The following WDR82 variants were observed in gnomAD, a reference collection of about 807,000 sequenced individuals.
WDR82 encodes the protein WD repeat domain 82.
A neutral mutation model predicts 36.1 loss-of-function variants in WDR82; 8 were observed. That is an observed-to-expected ratio of 0.22 (90% CI 0.13 to 0.40). The LOEUF (loss-of-function observed/expected upper bound fraction) is 0.40. Among genes scored for constraint, WDR82 ranks in the 10% least tolerant of loss-of-function variants. WDR82 has a pLI of 1.00. For missense variants in WDR82, 185 were observed against 400.5 expected (o/e 0.46, Z 4.59); for synonymous variants, 129 against 137.8 (o/e 0.94, Z 0.45).
In WDR82 at chr3:52,257,172, A is replaced by G. The variant is rs552601295; in HGVS notation, c.*318T>C. The G allele has an allele frequency of 1.0e-5, 4 of 394,798 alleles. No homozygotes were observed. The highest frequency in any genetic ancestry group is 6.1e-5 in the African/African-American group (3 of 48,868). 24.5% of individuals were successfully genotyped at this position (394,798 alleles called of 1,614,324 possible). A position where few individuals can be genotyped will look rare whatever the true frequency, so the allele number is the denominator to read the frequency against. On this transcript the variant is annotated 3_prime_UTR_variant, in exon 9 of 9. Coordinates refer to ENST00000296490, the MANE Select transcript of WDR82 (RefSeq NM_025222.4). ...CTTCACCGGCTCCTCAGCAGCATGTACATTCAAATTGAAGATGCTTGAGAG... is the reference window on the plus strand; with the variant it reads ...CTTCACCGGCTCCTCAGCAGCATGTGCATTCAAATTGAAGATGCTTGAGAG...
chr3:52,275,607 C>CG (rs1355124639), intron 1 of WDR82, among the ~76,000 whole-genome samples: 1 of 152,098 alleles, frequency 6.6e-6, no homozygotes, highest in Non-Finnish European at 1.5e-5. Context: ...CACGTTGAGC[C>CG]GGGCGCAGTG....
In WDR82 at chr3:52,260,507, A is replaced by G. The variant is rs1164728716; in HGVS notation, c.427-6T>C. ...CCCTGCAGATGCATGAGGCCCTAAG[A>G]GAAAAGAAATAAGAAATACACTAAA... On this transcript the variant is annotated splice_region_variant and splice_polypyrimidine_tract_variant and intron_variant, in intron 4 of 8. Transcript: ENST00000296490. 6.4e-7 allele frequency: 1 copy of G among 1,556,906 alleles called. No individual in the cohort carries two copies. Among genetic ancestry groups the G allele is most frequent in the Non-Finnish European group, 8.6e-7 (1 of 1,158,980 alleles).
intron 1 of WDR82, among the ~76,000 whole-genome samples, chr3:52,274,347 C>A (rs1222176251): frequency 6.6e-6 from 1 of 151,698 alleles, no homozygotes; most frequent in South Asian, 2.1e-4. Context: ...GTGAGAGGAT[C>A]GCTTGAGTTC....
At chr3:52,263,913 C>T (rs1350611876) in intron 3 of WDR82, among the ~76,000 whole-genome samples, 2 of 152,180 alleles carry the variant, frequency 1.3e-5, no homozygotes, top group Non-Finnish European at 2.9e-5. Context: ...CCTGTAATCC[C>T]AGCACTTTGG....
chr3:52,260,803 TC>T (rs1339184185), intron 4 of WDR82, among the ~76,000 whole-genome samples: 3 of 152,100 alleles, frequency 2.0e-5, no homozygotes, highest in Non-Finnish European at 2.9e-5. Context: ...TAAAAATAAA[TC>T]CCTTGAAGCT....
chr3:52,261,264 A>G, intron 4 of WDR82, 116 bp downstream of exon 4: 1 of 894,804 alleles, frequency 1.1e-6, no homozygotes, highest in Non-Finnish European at 1.7e-6. Flanking sequence ...AAAGTTTAAA[A>G]AGACCCTGTG....
intron 3 of WDR82, among the ~76,000 whole-genome samples, chr3:52,264,298 G>A (rs1022674083): frequency 6.6e-6 from 1 of 152,144 alleles, no homozygotes; most frequent in South Asian, 2.1e-4. Context: ...TAAGAAAGCG[G>A]ATAAAATATT....
chr3:52,277,718 G>T (rs1252624523), intron 1 of WDR82, among the ~76,000 whole-genome samples: 1 of 152,262 alleles, frequency 6.6e-6, no homozygotes, highest in African/African-American at 2.4e-5. Flanking sequence ...GGAAGCTGAG[G>T]GGCAGGGGAT....
At chr3:52,275,866 T>C (rs1465845975) in intron 1 of WDR82, among the ~76,000 whole-genome samples, 1 of 151,574 alleles carries the variant, frequency 6.6e-6, no homozygotes, top group Non-Finnish European at 1.5e-5. Flanking sequence ...CCTGGGCGAC[T>C]GAGCGAGACT....
intron 2 of WDR82, among the ~76,000 whole-genome samples, chr3:52,268,857 C>T (rs941178167): frequency 5.3e-5 from 8 of 152,138 alleles, no homozygotes; most frequent in African/African-American, 1.9e-4. Context: ...GATGGAGCCT[C>T]GCTCTGTCAC....
chr3:52,278,443 C>T lies in WDR82; in HGVS notation c.-82G>A. 1 of 1,141,876 alleles carries T rather than the reference C, an allele frequency of 8.8e-7. No individual in the cohort carries two copies. Among genetic ancestry groups the T allele is most frequent in the Non-Finnish European group, 1.1e-6 (1 of 924,398 alleles). 70.7% of individuals were successfully genotyped at this position (1,141,876 alleles called of 1,614,324 possible). A position where few individuals can be genotyped will look rare whatever the true frequency, so the allele number is the denominator to read the frequency against. ...GCGGGCGGGCTGCCGAGGGGCCAACCCAGGCGGGGCGGGCGCCGCGCCGGC... is the reference window on the plus strand; with the variant it reads ...GCGGGCGGGCTGCCGAGGGGCCAACTCAGGCGGGGCGGGCGCCGCGCCGGC... On this transcript the variant is annotated 5_prime_UTR_variant, in exon 1 of 9. Transcript: ENST00000296490.
rs1700229266 is a variant in WDR82 at position 52,278,553 on chromosome 3, C to T, written c.-192G>A. 1 of 451,868 alleles carries T rather than the reference C, an allele frequency of 2.2e-6. No individual in the cohort carries two copies. The highest frequency in any genetic ancestry group is 4.4e-5 in the Admixed American group (1 of 22,710). The allele number at this position is 451,868 out of a possible 1,614,324, so 28.0% of individuals were successfully genotyped here. A position where few individuals can be genotyped will look rare whatever the true frequency, so the allele number is the denominator to read the frequency against. ...AGGGTCTTCTGCCTGGACTGTGGAGCCTCGCCGACCGTTCGTCCTCACAGC... is the reference window on the plus strand; with the variant it reads ...AGGGTCTTCTGCCTGGACTGTGGAGTCTCGCCGACCGTTCGTCCTCACAGC... On this transcript the variant is annotated 5_prime_UTR_variant, in exon 1 of 9. Transcript: ENST00000296490.
Position 52,257,340 on chromosome 3 carries a change from G to A in WDR82, c.*150C>T, listed in dbSNP as rs982412049. 3 of 1,021,652 alleles carry A rather than the reference G, an allele frequency of 2.9e-6. No individual in the cohort carries two copies. In the African/African-American group the frequency reaches 4.8e-5, roughly 17 times the overall value. 63.3% of individuals were successfully genotyped at this position (1,021,652 alleles called of 1,614,324 possible). ...CATCAAAGTAATTATTTTCTTTTGA[G>A]CAGATGTACAGCACATCCATGGGAA... is the stretch of plus-strand genomic sequence containing the variant. On this transcript the variant is annotated 3_prime_UTR_variant, in exon 9 of 9. Transcript: ENST00000296490.
rs531809673 is a variant in WDR82, at chr3:52,258,211, T to A, written c.912+325A>T. Among the ~76,000 whole-genome samples the A allele has an allele frequency of 1.0e-3, 154 of 152,264 alleles. No individual in the cohort carries two copies. In the Middle Eastern group the frequency reaches 0.017, roughly 17 times the overall value. On this transcript the variant is annotated intron_variant, in intron 8 of 8. Transcript: ENST00000296490. ...ACCACAAAAGGCCGGTTCAGAGTAT[T>A]TTAAGGAGCAAAAAAATTGCCAAGC...
chr3:52,270,911 G>T, intron 1 of WDR82, 102 bp from the exon 2 acceptor site: 2 of 848,802 alleles, frequency 2.4e-6, no homozygotes, highest in Non-Finnish European at 3.6e-6. Flanking sequence ...CAAAGGTGAG[G>T]ATTTTTGGTA....
Position 52,260,510 on chromosome 3 carries a change from A to C in WDR82, c.427-9T>G. 2.6e-6 allele frequency: 4 copies of C among 1,553,576 alleles called. No homozygotes were observed. Among genetic ancestry groups the C allele is most frequent in the Non-Finnish European group, 3.5e-6 (4 of 1,156,446 alleles). On this transcript the variant is annotated splice_polypyrimidine_tract_variant and intron_variant, in intron 4 of 8. Transcript: ENST00000296490. ...TGCAGATGCATGAGGCCCTAAGAGA[A>C]AAGAAATAAGAAATACACTAAAACA...
chr3:52,266,506 C>T (rs529447090), intron 3 of WDR82, among the ~76,000 whole-genome samples: 4 of 152,210 alleles, frequency 2.6e-5, no homozygotes, highest in South Asian at 2.1e-4. Context: ...GGCGCGATCT[C>T]GGCTCATTGC....
rs535762007 is a variant in WDR82, at chr3:52,275,034, C to G, written c.161+3167G>C. 2.6e-5 allele frequency among the ~76,000 whole-genome samples: 4 copies of G among 152,242 alleles called. No homozygotes were observed. In the South Asian group the frequency reaches 8.3e-4, roughly 32 times the overall value. ...GTCGGGAATTCGAGACCAGCCTGAC[C>G]AACATGGAGAAATCCCGCATCTACT... On this transcript the variant is annotated intron_variant, in intron 1 of 8. Transcript: ENST00000296490.
chr3:52,258,817 C>A, intron 7 of WDR82, 139 bp from the exon 8 acceptor site: 1 of 1,224,776 alleles, frequency 8.2e-7, no homozygotes, highest in Non-Finnish European at 1.1e-6. Context: ...GGAGGAGAGG[C>A]AGTGAAGGAA....
Sources: gnomAD v4.1 joint callset for allele counts (sites outside exome capture counted in the v4.1 genomes callset) on GRCh38, gnomAD v4.1.1 for gene constraint, MANE v1.5 for transcripts, NCBI Gene and HGNC (gene_info 2026-07-23, HGNC 2026-07-21) for gene names.